Variants in NKAIN3 observed in about 807,000 individuals in gnomAD.
The protein encoded by NKAIN3 is sodium/potassium-transporting ATPase subunit beta-1-interacting protein 3.
NKAIN3 carries 25 observed loss-of-function variants against 30.2 expected under a neutral mutation model. That is an observed-to-expected ratio of 0.83 (90% CI 0.60 to 1.16). NKAIN3 has a LOEUF of 1.16. NKAIN3 is among the 50% of genes most tolerant of loss of function. The pLI is 0.00. For missense variants in NKAIN3, 225 were observed against 254.1 expected, an observed-to-expected ratio of 0.89 and a Z score of 0.78; for synonymous variants, 91 against 89.6, an observed-to-expected ratio of 1.02 and a Z score of -0.09.
intron 5 of NKAIN3, among the ~76,000 whole-genome samples, chr8:62,925,565 T>G (rs1488536678): frequency 6.6e-6 from 1 of 152,148 alleles, no homozygotes; most frequent in Non-Finnish European, 1.5e-5. Context: ...CAGAGGGGGT[T>G]CTAATTTTCT....
At chr8:62,322,916 T>A (rs1047324601) in intron 1 of NKAIN3, among the ~76,000 whole-genome samples, 1 of 152,184 alleles carries the variant, frequency 6.6e-6, no homozygotes, top group Non-Finnish European at 1.5e-5. Flanking sequence ...TAGGAAAATA[T>A]GCTCCATATC....
chr8:62,618,929 GA>G, intron 3 of NKAIN3, among the ~76,000 whole-genome samples: 1 of 151,958 alleles, frequency 6.6e-6, no homozygotes, highest in East Asian at 1.9e-4. Context: ...GAAAAGAAAA[GA>G]AAAGAAAAGG....
At chr8:62,255,260 G>T (rs1014073870) in intron 1 of NKAIN3, among the ~76,000 whole-genome samples, 3 of 152,174 alleles carry the variant, frequency 2.0e-5, no homozygotes, top group African/African-American at 4.8e-5. Flanking sequence ...TGGAAAACAC[G>T]CAATTGGGAC....
At chr8:62,957,101 G>A (rs912548893) in intron 6 of NKAIN3, among the ~76,000 whole-genome samples, 4 of 151,504 alleles carry the variant, frequency 2.6e-5, no homozygotes, top group Non-Finnish European at 4.4e-5. Context: ...AAAAAGTTTT[G>A]TTCACACAAA....
chr8:62,278,534 C>T (rs939136204), intron 1 of NKAIN3, among the ~76,000 whole-genome samples: 4 of 152,064 alleles, frequency 2.6e-5, no homozygotes, highest in Non-Finnish European at 5.9e-5. Flanking sequence ...CCCACTCCCC[C>T]GACCCCATGA....
chr8:62,802,057 GA>G (rs1183434090), intron 4 of NKAIN3, among the ~76,000 whole-genome samples: 6 of 152,100 alleles, frequency 3.9e-5, no homozygotes, highest in African/African-American at 1.4e-4. Flanking sequence ...AGCGAGAAGG[GA>G]AGTTTAGAGA....
chr8:62,754,364 A>G (rs1770059688), intron 4 of NKAIN3, among the ~76,000 whole-genome samples: 1 of 144,330 alleles, frequency 6.9e-6, no homozygotes, highest in African/African-American at 2.8e-5. Context: ...TGATTAGTGC[A>G]CACACACACA....
At chr8:62,617,639 A>G (rs1344020520) in intron 3 of NKAIN3, among the ~76,000 whole-genome samples, 1 of 152,212 alleles carries the variant, frequency 6.6e-6, no homozygotes, top group African/African-American at 2.4e-5. Context: ...ATGAAAGCCT[A>G]TAGAAAGTAA....
Position 62,646,138 on chromosome 8 carries a change from GAAAA to G in NKAIN3, c.273+56358_273+56361del, listed in dbSNP as rs75073790. On this transcript the variant is annotated intron_variant, in intron 3 of 6. Transcript: ENST00000623646. Reference sequence around the variant, plus strand: ...TCAAATGGCGTTTTCCCTCATTCTGGAAAAAAAAAAAAAAAAACAGATGCAGATG... The same window carrying G: ...TCAAATGGCGTTTTCCCTCATTCTGGAAAAAAAAAAAAACAGATGCAGATG... Among the ~76,000 whole-genome samples the G allele has an allele frequency of 6.7e-3, 784 of 116,194 alleles. 3 individuals carry two copies. Among genetic ancestry groups the G allele is most frequent in the African/African-American group, 0.022 (745 of 33,194 alleles). 76.2% of individuals were successfully genotyped at this position (116,194 alleles called of 152,430 possible). A position where few individuals can be genotyped will look rare whatever the true frequency, so the allele number is the denominator to read the frequency against.
intron 2 of NKAIN3, among the ~76,000 whole-genome samples, chr8:62,589,497 T>C (rs1325440653): frequency 1.3e-5 from 2 of 151,722 alleles, no homozygotes; most frequent in African/African-American, 4.8e-5. Flanking sequence ...AAAGTAAATC[T>C]AACTTTGTTG....
chr8:62,765,873 G>A (rs749801883), intron 4 of NKAIN3, among the ~76,000 whole-genome samples: 7 of 151,758 alleles, frequency 4.6e-5, no homozygotes, highest in Non-Finnish European at 8.8e-5. Context: ...TATAAGATTA[G>A]TATTCATATT....
intron 1 of NKAIN3, among the ~76,000 whole-genome samples, chr8:62,362,715 C>T (rs1023398311): frequency 6.6e-6 from 1 of 152,170 alleles, no homozygotes; most frequent in African/African-American, 2.4e-5. Context: ...TTTAATTGAG[C>T]AATGAAGGAT....
intron 3 of NKAIN3, among the ~76,000 whole-genome samples, chr8:62,743,304 T>C (rs1815966124): frequency 6.6e-6 from 1 of 152,184 alleles, no homozygotes; most frequent in African/African-American, 2.4e-5. Flanking sequence ...AAAAAAAATG[T>C]TTCTAATCTA....
intron 4 of NKAIN3, among the ~76,000 whole-genome samples, chr8:62,757,743 A>G (rs758057438): frequency 2.6e-5 from 4 of 152,232 alleles, no homozygotes; most frequent in Non-Finnish European, 5.9e-5. Context: ...AGTCAGAGGA[A>G]TAATGAGTGC....
At chr8:62,572,045 C>T (rs1325983377) in intron 1 of NKAIN3, among the ~76,000 whole-genome samples, 1 of 152,170 alleles carries the variant, frequency 6.6e-6, no homozygotes, top group Non-Finnish European at 1.5e-5. Context: ...GCTTGAATTT[C>T]ACCTCAGAAA....
chr8:62,429,262 A>G (rs754810569), intron 1 of NKAIN3, among the ~76,000 whole-genome samples: 2 of 151,748 alleles, frequency 1.3e-5, no homozygotes, highest in Non-Finnish European at 2.9e-5. Flanking sequence ...TATGGCCTTT[A>G]TTGTTTTGAG....
At chr8:62,371,898 T>G (rs934887964) in intron 1 of NKAIN3, among the ~76,000 whole-genome samples, 9 of 151,976 alleles carry the variant, frequency 5.9e-5, no homozygotes, top group African/African-American at 2.2e-4. Context: ...TTTTCAGTGC[T>G]CAGCCCCGCC....
chr8:62,837,302 T>C (rs1051865190), intron 4 of NKAIN3, among the ~76,000 whole-genome samples: 1 of 152,144 alleles, frequency 6.6e-6, no homozygotes, highest in Admixed American at 6.6e-5. Context: ...TCATGATTCT[T>C]TTAAATCAGT....
chr8:62,861,381 A>C (rs1485364138), intron 4 of NKAIN3, among the ~76,000 whole-genome samples: 1 of 152,124 alleles, frequency 6.6e-6, no homozygotes, highest in African/African-American at 2.4e-5. Flanking sequence ...AATAATTTCA[A>C]ATGTCACCAG....
Sources: allele counts gnomAD v4.1 joint callset (sites outside exome capture counted in the v4.1 genomes callset), GRCh38; gene constraint gnomAD v4.1.1; transcripts MANE v1.5; gene names NCBI Gene and HGNC (gene_info 2026-07-23, HGNC 2026-07-21).